The following GALNT13 variants were observed in gnomAD, a reference collection of about 807,000 sequenced individuals.
GALNT13 encodes UDP-GalNAc:polypeptide N-acetylgalactosaminyltransferase 13.
Under a neutral mutation model 64.2 loss-of-function variants are expected in GALNT13, and 28 were observed. The ratio of observed to expected loss-of-function variants is 0.44; its 90% CI spans 0.32 to 0.60. The LOEUF (loss-of-function observed/expected upper bound fraction) is 0.60, where lower values mean the gene tolerates loss of function less well. Among genes scored for constraint, GALNT13 ranks in the 20% least tolerant of loss-of-function variants. The probability of loss-of-function intolerance (pLI) is 0.05; values close to 1 mark genes in which losing one functional copy is unlikely to be tolerated. For synonymous variants in GALNT13, 214 were observed against 224.6 expected (o/e 0.95, Z 0.42); for missense variants, 577 against 669.8 (o/e 0.86, Z 1.53).
chr2:154,421,300 C>T (rs1338791112), intron 11 of GALNT13, among the ~76,000 whole-genome samples: 1 of 151,912 alleles, frequency 6.6e-6, no homozygotes, highest in African/African-American at 2.4e-5. Flanking sequence ...AAGGAGTCAT[C>T]AAATATAAAA....
the GALNT13 span, among the ~76,000 whole-genome samples, chr2:153,614,996 G>A: frequency 6.6e-5 from 10 of 151,900 alleles, 1 homozygote; most frequent in Admixed American, 2.6e-4. Context: ...TATTGTTGCC[G>A]TTAACCATCA....
At chr2:153,079,373 A>G in the GALNT13 span, among the ~76,000 whole-genome samples, 2 of 152,242 alleles carry the variant, frequency 1.3e-5, no homozygotes, top group African/African-American at 4.8e-5. Flanking sequence ...AATTCTGCTC[A>G]TAGCAGTTAC....
intron 9 of GALNT13, among the ~76,000 whole-genome samples, chr2:154,385,740 A>G (rs920182006): frequency 6.6e-6 from 1 of 151,802 alleles, no homozygotes; most frequent in African/African-American, 2.4e-5. Context: ...AAACCATACT[A>G]CTCCATGGAG....
intron 3 of GALNT13, among the ~76,000 whole-genome samples, chr2:153,970,673 C>G (rs1396883073): frequency 6.6e-6 from 1 of 152,118 alleles, no homozygotes; most frequent in Non-Finnish European, 1.5e-5. Flanking sequence ...CTCAAACTTA[C>G]CATATCCAAA....
chr2:153,878,242 A>C (rs1287406702), intron 1 of GALNT13, among the ~76,000 whole-genome samples: 1 of 152,198 alleles, frequency 6.6e-6, no homozygotes, highest in Non-Finnish European at 1.5e-5. Context: ...AAAGAGAATA[A>C]ATTAAGCTCC....
the GALNT13 span, among the ~76,000 whole-genome samples, chr2:153,312,726 G>A: frequency 0.095 from 14,506 of 152,130 alleles, 787 homozygotes; most frequent in Middle Eastern, 0.18. Context: ...TGTTTGCTCT[G>A]ACTGGGCTAG....
the GALNT13 span, among the ~76,000 whole-genome samples, chr2:153,202,411 C>T: frequency 6.6e-6 from 1 of 152,188 alleles, no homozygotes; most frequent in Admixed American, 6.5e-5. Flanking sequence ...CCAAAAATAA[C>T]ATGCTTGGAA....
chr2:154,118,459 T>A (rs913255579), intron 3 of GALNT13, among the ~76,000 whole-genome samples: 1 of 152,004 alleles, frequency 6.6e-6, no homozygotes, highest in African/African-American at 2.4e-5. Context: ...GTATTTTTTT[T>A]AATCCATTCA....
At chr2:154,426,613 A>C (rs1184075264) in intron 11 of GALNT13, among the ~76,000 whole-genome samples, 1 of 152,232 alleles carries the variant, frequency 6.6e-6, no homozygotes, top group Non-Finnish European at 1.5e-5. Context: ...TCAATACTGC[A>C]ATAGTAAAAT....
intron 4 of GALNT13, among the ~76,000 whole-genome samples, chr2:154,223,543 C>G (rs113791150): frequency 0.13 from 19,519 of 149,898 alleles, 1,520 homozygotes; most frequent in East Asian, 0.34. Context: ...CCTCCGCCTC[C>G]TGGGTTCAAG....
the GALNT13 span, among the ~76,000 whole-genome samples, chr2:153,321,333 G>A: frequency 1.3e-5 from 2 of 152,172 alleles, no homozygotes; most frequent in Non-Finnish European, 2.9e-5. Context: ...TGCTAGAAAT[G>A]TCCTTGATAG....
At chr2:153,308,913 GAA>G in the GALNT13 span, among the ~76,000 whole-genome samples, 1 of 151,922 alleles carries the variant, frequency 6.6e-6, no homozygotes. Context: ...ATACAGGAGA[GAA>G]AGAGAAAAAA....
At chr2:153,873,384 G>T (rs1017180239) in intron 1 of GALNT13, among the ~76,000 whole-genome samples, 3 of 152,228 alleles carry the variant, frequency 2.0e-5, no homozygotes, top group African/African-American at 7.2e-5. Context: ...CGAAAGCTGC[G>T]CAAGCCCCTC....
chr2:154,129,194 G>A (rs575575827), intron 3 of GALNT13, among the ~76,000 whole-genome samples: 4 of 151,914 alleles, frequency 2.6e-5, no homozygotes, highest in East Asian at 1.9e-4. Context: ...TTGTATCCCC[G>A]CCATCCCAAT....
At chr2:153,453,381 C>T in the GALNT13 span, among the ~76,000 whole-genome samples, 1 of 151,952 alleles carries the variant, frequency 6.6e-6, no homozygotes, top group Non-Finnish European at 1.5e-5. Flanking sequence ...TCCATAGAGG[C>T]CAAATATCTG....
chr2:153,731,656 A>G, the GALNT13 span, among the ~76,000 whole-genome samples: 5 of 152,164 alleles, frequency 3.3e-5, no homozygotes, highest in African/African-American at 1.2e-4. Flanking sequence ...GCATTGGTTG[A>G]TTAAATATAC....
intron 4 of GALNT13, among the ~76,000 whole-genome samples, chr2:154,227,356 T>A (rs1688673704): frequency 6.6e-6 from 1 of 151,734 alleles, no homozygotes; most frequent in Non-Finnish European, 1.5e-5. Flanking sequence ...ATACTTTAAG[T>A]TTTAGGGTAC....
intron 9 of GALNT13, among the ~76,000 whole-genome samples, chr2:154,359,877 G>A (rs1299889829): frequency 6.6e-6 from 1 of 152,046 alleles, no homozygotes; most frequent in African/African-American, 2.4e-5. Flanking sequence ...AGTTAGAATG[G>A]CTATTTTCTT....
intron 2 of GALNT13, among the ~76,000 whole-genome samples, chr2:153,907,329 A>G (rs1474222169): frequency 6.6e-6 from 1 of 151,752 alleles, no homozygotes. Context: ...ATACACACAC[A>G]CATATAATTA....
Sources: gnomAD v4.1 joint callset for allele counts (sites outside exome capture counted in the v4.1 genomes callset) on GRCh38, gnomAD v4.1.1 for gene constraint, MANE v1.5 for transcripts, NCBI Gene and HGNC (gene_info 2026-07-23, HGNC 2026-07-21) for gene names.